Variants in GRIN2B observed in about 807,000 individuals in gnomAD.
The protein encoded by GRIN2B is glutamate ionotropic receptor NMDA type subunit 2B, also known as glutamate receptor ionotropic, NMDA 2B.
Under a neutral mutation model 114.5 loss-of-function variants are expected in GRIN2B, and 5 were observed. The ratio of observed to expected loss-of-function variants is 0.04; its 90% CI spans 0.02 to 0.09. GRIN2B has a LOEUF of 0.09. Among genes scored for constraint, GRIN2B ranks in the 10% least tolerant of loss-of-function variants. The pLI is 1.00. For missense variants in GRIN2B, 1,108 were observed against 1,943.5 expected (o/e 0.57, Z 8.08); for synonymous variants, 787 against 745.1 (o/e 1.06, Z -0.92).
At chr12:13,780,260 G>A (rs759907825) in intron 3 of GRIN2B, among the ~76,000 whole-genome samples, 2 of 151,802 alleles carry the variant, frequency 1.3e-5, no homozygotes, top group Non-Finnish European at 2.9e-5. Flanking sequence ...CCTATTGTAT[G>A]CATCCTTATT....
chr12:13,935,587 C>A (rs1687761080), intron 2 of GRIN2B, among the ~76,000 whole-genome samples: 1 of 152,150 alleles, frequency 6.6e-6, no homozygotes, highest in East Asian at 1.9e-4. Context: ...TACTTAGCCC[C>A]TTATGCATCT....
intron 2 of GRIN2B, among the ~76,000 whole-genome samples, chr12:13,950,810 T>A (rs920601513): frequency 2.6e-5 from 4 of 152,174 alleles, no homozygotes; most frequent in African/African-American, 9.6e-5. Context: ...TTAGGTAAAA[T>A]ATTACTTTGG....
chr12:13,838,389 G>A (rs186470666), intron 3 of GRIN2B, among the ~76,000 whole-genome samples: 51 of 152,174 alleles, frequency 3.4e-4, no homozygotes, highest in Admixed American at 8.5e-4. Flanking sequence ...GTCCATATCC[G>A]AAGCACCCCA....
At chr12:13,917,624 T>C (rs764084309) in intron 2 of GRIN2B, among the ~76,000 whole-genome samples, 2 of 151,778 alleles carry the variant, frequency 1.3e-5, no homozygotes, top group Non-Finnish European at 2.9e-5. Context: ...TTAAGATTGA[T>C]CTTCTACGCC....
intron 10 of GRIN2B, among the ~76,000 whole-genome samples, chr12:13,587,084 AAT>A (rs1336998169): frequency 6.6e-6 from 1 of 152,140 alleles, no homozygotes; most frequent in Non-Finnish European, 1.5e-5. Flanking sequence ...AAATATTATA[AAT>A]ATGTTAAATA....
chr12:13,611,157 G>C (rs1949361256), intron 9 of GRIN2B, among the ~76,000 whole-genome samples: 1 of 152,156 alleles, frequency 6.6e-6, no homozygotes, highest in African/African-American at 2.4e-5. Flanking sequence ...CCCAATAATA[G>C]CTATGAGTGA....
chr12:13,893,521 AT>A (rs2136779105), intron 2 of GRIN2B, among the ~76,000 whole-genome samples: 1 of 152,330 alleles, frequency 6.6e-6, no homozygotes, highest in African/African-American at 2.4e-5. Flanking sequence ...ATAAATGTTC[AT>A]AAATTATTTG....
chr12:13,763,492 G>A (rs1591717709), intron 3 of GRIN2B, among the ~76,000 whole-genome samples: 1 of 152,220 alleles, frequency 6.6e-6, no homozygotes. Context: ...TCCATGAGAA[G>A]CTGCCTAAAT....
intron 3 of GRIN2B, among the ~76,000 whole-genome samples, chr12:13,842,564 T>C (rs1865396646): frequency 6.6e-6 from 1 of 152,204 alleles, no homozygotes; most frequent in African/African-American, 2.4e-5. Context: ...AGCTTCACCA[T>C]ACCCTCAGTG....
intron 2 of GRIN2B, among the ~76,000 whole-genome samples, chr12:13,941,047 G>A (rs219906): frequency 0.47 from 68,289 of 146,564 alleles, 15,598 homozygotes; most frequent in East Asian, 0.56. Context: ...CTTCCCCAGG[G>A]AAAGCAGACA....
chr12:13,575,089 T>G (rs770007126), intron 10 of GRIN2B, among the ~76,000 whole-genome samples: 1 of 152,210 alleles, frequency 6.6e-6, no homozygotes, highest in African/African-American at 2.4e-5. Context: ...ATACTAGAAT[T>G]ATAAAACTTA....
intron 2 of GRIN2B, among the ~76,000 whole-genome samples, chr12:13,926,438 C>T (rs996509327): frequency 6.6e-6 from 1 of 152,122 alleles, no homozygotes; most frequent in African/African-American, 2.4e-5. Flanking sequence ...AGCTACTCTC[C>T]TGATTGGTTT....
chr12:13,956,686 T>G (rs922867366), intron 2 of GRIN2B, among the ~76,000 whole-genome samples: 2 of 152,170 alleles, frequency 1.3e-5, no homozygotes, highest in African/African-American at 2.4e-5. Context: ...GACTCACCAG[T>G]AAGCCCGTGA....
intron 3 of GRIN2B, among the ~76,000 whole-genome samples, chr12:13,830,382 T>G (rs1038035226): frequency 3.3e-5 from 5 of 152,212 alleles, no homozygotes; most frequent in African/African-American, 1.2e-4. Flanking sequence ...TTTCAACACA[T>G]GACTTCTAGA....
rs2136396492 is a variant in GRIN2B, at chr12:13,558,853, C to G, written c.*3930G>C. On this transcript the variant is annotated 3_prime_UTR_variant, in exon 14 of 14. Coordinates refer to ENST00000609686, the MANE Select transcript of GRIN2B (RefSeq NM_000834.5). ...AGGGTGTGCAAAGTCTCGACTCAGG[C>G]AAATTCAAGGGTCAGATTATTGTCA... 6.6e-6 allele frequency: 1 copy of G among 152,304 alleles called. No homozygotes were observed. Among genetic ancestry groups the G allele is most frequent in the Non-Finnish European group, 1.5e-5 (1 of 68,036 alleles). 9.4% of individuals were successfully genotyped at this position (152,304 alleles called of 1,614,324 possible).
intron 5 of GRIN2B, among the ~76,000 whole-genome samples, chr12:13,672,021 G>A (rs1161156431): frequency 1.3e-5 from 2 of 152,124 alleles, no homozygotes; most frequent in Admixed American, 1.3e-4. Context: ...CCTTTCTGGA[G>A]AAATATTTAC....
chr12:13,834,733 C>CTA (rs1355051489), intron 3 of GRIN2B, among the ~76,000 whole-genome samples: 2 of 152,242 alleles, frequency 1.3e-5, no homozygotes, highest in African/African-American at 4.8e-5. Flanking sequence ...GAGATAGCCA[C>CTA]TTTATAGCCA....
rs773179713 is a variant in GRIN2B, at chr12:13,563,521, G to A, written c.3717C>T (p.Cys1239=). 6.2e-7 allele frequency: 1 copy of A among 1,614,130 alleles called. No individual in the cohort carries two copies. Among genetic ancestry groups the A allele is most frequent in the Non-Finnish European group, 8.5e-7 (1 of 1,180,036 alleles). ...CTTTCTTGCAAGCCTCACACCGGATGCACGCCTGCCTGCCCGAGTTCTGAC... is the reference window on the plus strand; with the variant it reads ...CTTTCTTGCAAGCCTCACACCGGATACACGCCTGCCTGCCCGAGTTCTGAC... ...VTGQNSGRQA[C]IRCEACKKAG... The change falls in exon 14 of 14, where the codon TGC becomes TGT. Residue 1239 remains cysteine (C), a synonymous_variant. Transcript: ENST00000609686.
At chr12:13,752,018 TG>T (rs1863491928) in intron 4 of GRIN2B, among the ~76,000 whole-genome samples, 1 of 152,148 alleles carries the variant, frequency 6.6e-6, no homozygotes, top group Non-Finnish European at 1.5e-5. Flanking sequence ...AGAGAGTTGA[TG>T]GTGGAAGAAT....
Sources: gnomAD v4.1 joint callset for allele counts (sites outside exome capture counted in the v4.1 genomes callset) on GRCh38, gnomAD v4.1.1 for gene constraint, MANE v1.5 for transcripts, NCBI Gene and HGNC (gene_info 2026-07-23, HGNC 2026-07-21) for gene names.